The following CAMK1D variants were observed in gnomAD, a reference collection of about 807,000 sequenced individuals.
CAMK1D encodes the protein calcium/calmodulin-dependent protein kinase type 1D.
Under a neutral mutation model 47.7 loss-of-function variants are expected in CAMK1D, and 9 were observed. The ratio of observed to expected loss-of-function variants is 0.19; its 90% confidence interval spans 0.11 to 0.33. The LOEUF (loss-of-function observed/expected upper bound fraction) is 0.33, where lower values mean the gene tolerates loss of function less well. Among genes scored for constraint, CAMK1D ranks in the 10% least tolerant of loss-of-function variants. The pLI, the probability that CAMK1D is intolerant of heterozygous loss-of-function variation, is 1.00. For missense variants in CAMK1D, 291 were observed against 488.7 expected (o/e 0.60, Z 3.81); for synonymous variants, 184 against 184.9 (o/e 0.99, Z 0.04).
intron 1 of CAMK1D, among the ~76,000 whole-genome samples, chr10:12,394,091 C>A (rs548598706): frequency 6.6e-6 from 1 of 152,340 alleles, no homozygotes; most frequent in African/African-American, 2.4e-5. Context: ...AGGGTTCACA[C>A]CATCCCAACA....
At chr10:12,671,065 G>A (rs143678049) in intron 3 of CAMK1D, among the ~76,000 whole-genome samples, 5 of 152,150 alleles carry the variant, frequency 3.3e-5, no homozygotes, top group African/African-American at 7.2e-5. Context: ...GTGATCTTTC[G>A]TGACTAGATT....
At chr10:12,809,008 G>A (rs560910378) in intron 6 of CAMK1D, among the ~76,000 whole-genome samples, 32 of 151,676 alleles carry the variant, frequency 2.1e-4, no homozygotes, top group Non-Finnish European at 4.0e-4. Flanking sequence ...TCCCAGGTGC[G>A]CAGGAGGCTG....
At chr10:12,670,090 C>T (rs997019545) in intron 3 of CAMK1D, among the ~76,000 whole-genome samples, 4 of 148,696 alleles carry the variant, frequency 2.7e-5, no homozygotes, top group African/African-American at 7.4e-5. Context: ...TTTAATAAAC[C>T]GTCTGACAGT....
chr10:12,525,464 G>T lies in CAMK1D; in HGVS notation c.93-27761G>T, dbSNP rs892333382. ...CTCTACAAGATCATTCTCTCTTCCA[G>T]TTTGAGTCATTTTGTTGTCATCTAC... On this transcript the variant is annotated intron_variant, in intron 1 of 10. Transcript: ENST00000619168. 1.4e-4 allele frequency among the ~76,000 whole-genome samples: 21 copies of T among 152,072 alleles called. 1 individual carries two copies. The highest frequency in any genetic ancestry group is 1.3e-3 in the Admixed American group (20 of 15,254).
chr10:12,637,646 G>C (rs929944291), intron 2 of CAMK1D, among the ~76,000 whole-genome samples: 2 of 151,642 alleles, frequency 1.3e-5, no homozygotes, highest in African/African-American at 4.8e-5. Context: ...GGGGTGGGAA[G>C]TAAGCATACA....
intron 1 of CAMK1D, among the ~76,000 whole-genome samples, chr10:12,418,310 T>G (rs1337878534): frequency 6.6e-6 from 1 of 152,136 alleles, no homozygotes; most frequent in Non-Finnish European, 1.5e-5. Context: ...GTTGACTGAT[T>G]AGAGATGGAG....
intron 3 of CAMK1D, among the ~76,000 whole-genome samples, chr10:12,702,404 G>A (rs11257944): frequency 0.015 from 2,242 of 152,310 alleles, 56 homozygotes; most frequent in African/African-American, 0.052. Flanking sequence ...AGTACAGGGT[G>A]TGGGATCTGT....
At chr10:12,774,512 A>G (rs537810810) in intron 5 of CAMK1D, among the ~76,000 whole-genome samples, 2 of 152,152 alleles carry the variant, frequency 1.3e-5, no homozygotes, top group Non-Finnish European at 2.9e-5. Flanking sequence ...AGGACTTGGA[A>G]ATCGTCGTAT....
At chr10:12,472,724 G>A (rs866092394) in intron 1 of CAMK1D, among the ~76,000 whole-genome samples, 2 of 152,052 alleles carry the variant, frequency 1.3e-5, no homozygotes, top group Admixed American at 6.5e-5. Context: ...ATTTCGCCAC[G>A]TTGGCCAGGC....
At chr10:12,386,647 T>C (rs1838505022) in intron 1 of CAMK1D, among the ~76,000 whole-genome samples, 1 of 152,148 alleles carries the variant, frequency 6.6e-6, no homozygotes, top group Non-Finnish European at 1.5e-5. Flanking sequence ...TGATCCCAAT[T>C]TTGTGGAAGA....
chr10:12,749,543 GTTTGTTT>G (rs1190049883), intron 3 of CAMK1D, among the ~76,000 whole-genome samples: 2 of 132,214 alleles, frequency 1.5e-5, no homozygotes, highest in Admixed American at 1.5e-4. Context: ...TTGTTTGTTT[GTTTGTTT>G]TTTGTTTGTT....
intron 1 of CAMK1D, among the ~76,000 whole-genome samples, chr10:12,519,915 A>C (rs1588582779): frequency 3.9e-5 from 1 of 25,536 alleles, no homozygotes; most frequent in Non-Finnish European, 7.4e-5. Context: ...TCCCTCCCGG[A>C]CTGGGCGGCT....
intron 1 of CAMK1D, among the ~76,000 whole-genome samples, chr10:12,529,161 T>C (rs1017367085): frequency 2.0e-5 from 3 of 152,194 alleles, no homozygotes; most frequent in African/African-American, 7.2e-5. Flanking sequence ...CTCATCGTCA[T>C]AGCTGCATTT....
chr10:12,495,909 C>T (rs964562633), intron 1 of CAMK1D, among the ~76,000 whole-genome samples: 2 of 152,138 alleles, frequency 1.3e-5, no homozygotes, highest in African/African-American at 4.8e-5. Flanking sequence ...CTCACTACGA[C>T]TTCTACCTCC....
At chr10:12,507,388 G>A (rs1385675591) in intron 1 of CAMK1D, among the ~76,000 whole-genome samples, 1 of 152,228 alleles carries the variant, frequency 6.6e-6, no homozygotes, top group Non-Finnish European at 1.5e-5. Flanking sequence ...CAGCAGCAGG[G>A]AAGCACCCTT....
At chr10:12,431,397 G>A (rs752039582) in intron 1 of CAMK1D, among the ~76,000 whole-genome samples, 106 of 152,196 alleles carry the variant, frequency 7.0e-4, no homozygotes, top group Non-Finnish European at 1.2e-3. Context: ...GTCTGGGTGA[G>A]CTGGAGGCTG....
At chr10:12,450,901 C>T (rs1833064118) in intron 1 of CAMK1D, among the ~76,000 whole-genome samples, 1 of 152,200 alleles carries the variant, frequency 6.6e-6, no homozygotes, top group Non-Finnish European at 1.5e-5. Context: ...CTATCAGGTG[C>T]TGCTGGCCCC....
At chr10:12,520,800 G>A (rs1266913853) in intron 1 of CAMK1D, among the ~76,000 whole-genome samples, 4 of 47,640 alleles carry the variant, frequency 8.4e-5, no homozygotes, top group Non-Finnish European at 1.3e-4. Context: ...GTGGCAGCGC[G>A]CGCCTGCAAT....
At chr10:12,627,008 A>G (rs2132456044) in intron 2 of CAMK1D, among the ~76,000 whole-genome samples, 1 of 147,994 alleles carries the variant, frequency 6.8e-6, no homozygotes, top group South Asian at 2.2e-4. Flanking sequence ...TCTTGCTTGA[A>G]CCTCTTTTGT....
Sources: allele counts gnomAD v4.1 joint callset (sites outside exome capture counted in the v4.1 genomes callset), GRCh38; gene constraint gnomAD v4.1.1; transcripts MANE v1.5; gene names NCBI Gene and HGNC (gene_info 2026-07-23, HGNC 2026-07-21).